Variants in PDE4D observed in about 807,000 individuals in gnomAD.
The protein encoded by PDE4D is 3',5'-cyclic-AMP phosphodiesterase 4D.
PDE4D carries 24 observed loss-of-function variants against 87.4 expected under a neutral mutation model. The observed-to-expected ratio is 0.27, with a 90% CI of 0.20 to 0.39. The LOEUF (loss-of-function observed/expected upper bound fraction) is 0.39, where lower values mean the gene tolerates loss of function less well. Among genes scored for constraint, PDE4D ranks in the 10% least tolerant of loss-of-function variants. PDE4D has a pLI of 1.00. For synonymous variants in PDE4D, 384 were observed against 383.2 expected (o/e 1.00, Z -0.02); for missense variants, 714 against 1,041.0 (o/e 0.69, Z 4.32).
chr5:59,928,219 C>T (rs1041571805), intron 3 of PDE4D, among the ~76,000 whole-genome samples: 7 of 152,204 alleles, frequency 4.6e-5, no homozygotes, highest in Admixed American at 1.3e-4. Flanking sequence ...AAATGAAAGA[C>T]ATTTGAAACT....
chr5:59,046,959 C>T (rs896152156), intron 5 of PDE4D, among the ~76,000 whole-genome samples: 8 of 152,128 alleles, frequency 5.3e-5, no homozygotes, highest in Admixed American at 1.3e-4. Context: ...TTCATACAAG[C>T]AATTCCAGGC....
intron 2 of PDE4D, among the ~76,000 whole-genome samples, chr5:60,149,752 C>T (rs1297386981): frequency 6.6e-6 from 1 of 150,598 alleles, no homozygotes; most frequent in Non-Finnish European, 1.5e-5. Flanking sequence ...TATGCATTCT[C>T]ATAGCATCCT....
chr5:59,606,407 T>C (rs296410), intron 1 of PDE4D, among the ~76,000 whole-genome samples: 60,050 of 151,994 alleles, frequency 0.4, 14,562 homozygotes, highest in East Asian at 0.73. Flanking sequence ...ACTTTGTGCA[T>C]TGAGACTTAG....
chr5:60,435,137 CG>C (rs11311317), intron 1 of PDE4D, among the ~76,000 whole-genome samples: 21,227 of 151,882 alleles, frequency 0.14, 1,551 homozygotes, highest in African/African-American at 0.17. Flanking sequence ...AATGTAAAAC[CG>C]AACTTGAAAA....
chr5:59,820,168 C>T (rs1366191817), intron 1 of PDE4D, among the ~76,000 whole-genome samples: 1 of 152,170 alleles, frequency 6.6e-6, no homozygotes, highest in Admixed American at 6.5e-5. Context: ...CTCTATGTTT[C>T]TTTTTCTTGC....
chr5:59,988,841 T>C (rs1762712766), intron 2 of PDE4D: 2 of 521,448 alleles, frequency 3.8e-6, no homozygotes, highest in Non-Finnish European at 6.7e-6. Context: ...AAATGCTATC[T>C]AGAAAACAGT....
chr5:59,005,540 G>A (rs1054699631), intron 6 of PDE4D, among the ~76,000 whole-genome samples: 3 of 152,178 alleles, frequency 2.0e-5, no homozygotes, highest in African/African-American at 7.2e-5. Flanking sequence ...TATCTGCAGA[G>A]AGAATCTAGA....
intron 3 of PDE4D, among the ~76,000 whole-genome samples, chr5:59,925,911 T>C (rs149778940): frequency 2.6e-5 from 4 of 152,248 alleles, no homozygotes; most frequent in African/African-American, 9.6e-5. Flanking sequence ...CCCAATACAA[T>C]AATAGCTGGA....
chr5:59,537,478 T>C (rs1815492770), intron 1 of PDE4D, among the ~76,000 whole-genome samples: 1 of 152,250 alleles, frequency 6.6e-6, no homozygotes, highest in South Asian at 2.1e-4. Flanking sequence ...TTGGTCATTC[T>C]TAATTGTGTT....
chr5:59,921,483 AC>A (rs1173190268), intron 3 of PDE4D, among the ~76,000 whole-genome samples: 1 of 152,206 alleles, frequency 6.6e-6, no homozygotes, highest in Non-Finnish European at 1.5e-5. Context: ...TAGAAAAAAA[AC>A]ATGGACTATT....
rs1580454074 is a variant in PDE4D, at chr5:59,038,786, A to G, written c.921+73T>C. The stretch of plus-strand genomic sequence containing the variant: ...ACCTCTCAATTTATTTCCCGGGGCT[A>G]TGGGTACCAGTGGCTCGCCGGCATG... On this transcript the variant is annotated intron_variant, in intron 6 of 14. Coordinates refer to ENST00000340635, the MANE Select transcript of PDE4D (RefSeq NM_001104631.2). 20 of 1,323,632 alleles carry G rather than the reference A, an allele frequency of 1.5e-5. 1 individual carries two copies. The East Asian group carries it at 5.6e-4, about 37-fold the overall frequency. The allele number at this position is 1,323,632 out of a possible 1,614,324, so 82.0% of individuals were successfully genotyped here. A position where few individuals can be genotyped will look rare whatever the true frequency, so the allele number is the denominator to read the frequency against.
At chr5:59,098,005 A>G (rs1346898898) in intron 5 of PDE4D, among the ~76,000 whole-genome samples, 1 of 152,238 alleles carries the variant, frequency 6.6e-6, no homozygotes, top group African/African-American at 2.4e-5. Context: ...TGAACTTGCC[A>G]TTAACCAAAG....
intron 1 of PDE4D, among the ~76,000 whole-genome samples, chr5:59,412,407 C>T (rs564006585): frequency 2.6e-5 from 4 of 152,134 alleles, no homozygotes; most frequent in African/African-American, 2.4e-5. Context: ...CTCCCCTCTG[C>T]GGTAGTTACA....
At chr5:59,135,499 A>G (rs1353041092) in intron 5 of PDE4D, among the ~76,000 whole-genome samples, 1 of 152,138 alleles carries the variant, frequency 6.6e-6, no homozygotes, top group Non-Finnish European at 1.5e-5. Flanking sequence ...AGTAAATCTG[A>G]GCTTCTGAGG....
chr5:60,006,725 C>T (rs1561971587), intron 2 of PDE4D, among the ~76,000 whole-genome samples: 1 of 151,956 alleles, frequency 6.6e-6, no homozygotes, highest in Non-Finnish European at 1.5e-5. Context: ...CATGATGATG[C>T]ATAGGTCTAA....
At chr5:59,930,651 A>G (rs1755811219) in intron 3 of PDE4D, among the ~76,000 whole-genome samples, 1 of 152,190 alleles carries the variant, frequency 6.6e-6, no homozygotes, top group Non-Finnish European at 1.5e-5. Context: ...ATCAATCTTA[A>G]ATGAGGGCTC....
intron 1 of PDE4D, among the ~76,000 whole-genome samples, chr5:59,763,211 T>C (rs1286851558): frequency 6.6e-6 from 1 of 151,734 alleles, no homozygotes; most frequent in African/African-American, 2.4e-5. Context: ...CTTTAGGAGA[T>C]ATACCTAATG....
chr5:60,250,763 T>TA (rs1347704460), intron 1 of PDE4D, among the ~76,000 whole-genome samples: 1 of 151,998 alleles, frequency 6.6e-6, no homozygotes, highest in African/African-American at 2.4e-5. Flanking sequence ...CTATACTTTT[T>TA]ATCATTACTT....
intron 1 of PDE4D, among the ~76,000 whole-genome samples, chr5:59,394,778 G>T (rs990006632): frequency 6.6e-6 from 1 of 152,182 alleles, no homozygotes; most frequent in Admixed American, 6.5e-5. Flanking sequence ...CAGCCTGAGC[G>T]ACGCAGAAGA....
Sources: allele counts gnomAD v4.1 joint callset (sites outside exome capture counted in the v4.1 genomes callset), GRCh38; gene constraint gnomAD v4.1.1; transcripts MANE v1.5; gene names NCBI Gene and HGNC (gene_info 2026-07-23, HGNC 2026-07-21).